The following NCOR1 variants were observed in gnomAD, a reference collection of about 807,000 sequenced individuals.
The protein encoded by NCOR1 is nuclear receptor corepressor 1, also known as protein phosphatase 1, regulatory subunit 109.
A neutral mutation model predicts 288.1 loss-of-function variants in NCOR1; 63 were observed. That is an observed-to-expected ratio of 0.22 (90% confidence interval 0.18 to 0.27). The LOEUF (loss-of-function observed/expected upper bound fraction) is 0.27. Among genes scored for constraint, NCOR1 ranks in the 10% least tolerant of loss-of-function variants. The probability of loss-of-function intolerance (pLI) is 1.00; values close to 1 mark genes in which losing one functional copy is unlikely to be tolerated. For synonymous variants in NCOR1, 1,007 were observed against 1,065.9 expected (o/e 0.94, Z 1.08); for missense variants, 2,397 against 3,019.2 (o/e 0.79, Z 4.83).
chr17:16,073,629 A>T, intron 27 of NCOR1, 60 bp from the exon 28 acceptor site: 1 of 1,376,142 alleles, frequency 7.3e-7, no homozygotes. Flanking sequence ...ATGTACAGTA[A>T]ATAGGTTAGT....
rs1266817365 is a variant in NCOR1, at chr17:16,073,535, T to G, written c.3705A>C (p.Pro1235=). The change falls in exon 28 of 46, where the codon CCA becomes CCC. Residue 1235 remains proline, a synonymous_variant. Coordinates refer to ENST00000268712, the MANE Select transcript of NCOR1 (RefSeq NM_006311.4). The part of the protein sequence containing the change: ...IKNAREGTRS[P]RTAHEISLKR... ...TTAAACTGATTTCATGAGCTGTTCT[T>G]GGACTCCTAGTCCCTTCTCGGGCAT... 6.2e-7 allele frequency: 1 copy of G among 1,611,198 alleles called. No homozygotes were observed. Among genetic ancestry groups the G allele is most frequent in the Non-Finnish European group, 8.5e-7 (1 of 1,178,750 alleles).
intron 41 of NCOR1, among the ~76,000 whole-genome samples, chr17:16,048,582 TA>T (rs528666691): frequency 2.9e-4 from 44 of 149,400 alleles, no homozygotes; most frequent in East Asian, 1.4e-3. Context: ...ACAAAAACAT[TA>T]AAAAAAAAAT....
intron 9 of NCOR1, among the ~76,000 whole-genome samples, chr17:16,148,830 C>G (rs2078429058): frequency 6.6e-6 from 1 of 152,114 alleles, no homozygotes; most frequent in Non-Finnish European, 1.5e-5. Context: ...GCACAAAGTT[C>G]ATTTTTGATG....
intron 18 of NCOR1, among the ~76,000 whole-genome samples, chr17:16,110,318 T>C (rs546010225): frequency 6.6e-6 from 1 of 151,710 alleles, no homozygotes; most frequent in East Asian, 1.9e-4. Flanking sequence ...ATCATGCCAC[T>C]GCACTCCAGG....
intron 1 of NCOR1, among the ~76,000 whole-genome samples, chr17:16,205,905 C>A (rs1185077986): frequency 1.3e-5 from 2 of 148,204 alleles, no homozygotes; most frequent in Non-Finnish European, 3.0e-5. Context: ...CCATTGCACT[C>A]TAGCCTGGGC....
At chr17:16,078,476 A>G (rs1468060451) in intron 26 of NCOR1, among the ~76,000 whole-genome samples, 1 of 152,236 alleles carries the variant, frequency 6.6e-6, no homozygotes, top group Non-Finnish European at 1.5e-5. Flanking sequence ...TGCCAGAGTG[A>G]AGAGAAAGAA....
chr17:16,064,119 G>A lies in NCOR1; in HGVS notation c.5170C>T (p.Arg1724Trp), dbSNP rs2060848395. Residue 1724 changes from arginine to tryptophan, a missense_variant, in exon 35 of 46, where the codon CGG (arginine) becomes TGG (tryptophan). Physicochemically the swap from Arg to Trp is moderately radical, Grantham distance 101 (BLOSUM62 -3). Coordinates refer to ENST00000268712, the MANE Select transcript of NCOR1 (RefSeq NM_006311.4). ...REREREREKE[R>W]ERERIAAASS... Reference sequence around the variant, plus strand: ...GCTGCAGCAATCCGTTCCCGCTCCCGCTCCTTCTCCCGCTCCCGTTCCCGT... The same window carrying A: ...GCTGCAGCAATCCGTTCCCGCTCCCACTCCTTCTCCCGCTCCCGTTCCCGT... The A allele has an allele frequency of 7.4e-6, 12 of 1,614,024 alleles. No individual in the cohort carries two copies. The highest frequency in any genetic ancestry group is 1.1e-5 in the South Asian group (1 of 91,070).
intron 44 of NCOR1, among the ~76,000 whole-genome samples, chr17:16,037,718 A>G (rs930868596): frequency 2.6e-5 from 4 of 152,254 alleles, no homozygotes; most frequent in Non-Finnish European, 4.4e-5. Flanking sequence ...AAGCTTCTTC[A>G]TGCTACTACA....
intron 8 of NCOR1, among the ~76,000 whole-genome samples, chr17:16,151,042 A>G (rs1326043966): frequency 6.6e-6 from 1 of 151,126 alleles, no homozygotes; most frequent in African/African-American, 2.4e-5. Context: ...AAAGAAAAAA[A>G]TAAATATATA....
chr17:16,137,673 T>C (rs1427560098), intron 13 of NCOR1: 1 of 268,902 alleles, frequency 3.7e-6, no homozygotes, highest in Non-Finnish European at 6.8e-6. Context: ...AAATATTTTC[T>C]TATTAACAAG....
intron 2 of NCOR1, among the ~76,000 whole-genome samples, chr17:16,190,170 C>G (rs1240018938): frequency 6.6e-6 from 1 of 152,172 alleles, no homozygotes; most frequent in Non-Finnish European, 1.5e-5. Flanking sequence ...CTCAAGGTTA[C>G]AGTGAGCTAT....
chr17:16,202,485 G>C (rs1210215248), intron 1 of NCOR1, among the ~76,000 whole-genome samples: 4 of 151,248 alleles, frequency 2.6e-5, no homozygotes, highest in Non-Finnish European at 4.4e-5. Flanking sequence ...CACAAAAGAA[G>C]AACAAAGAAA....
At chr17:16,205,980 T>C (rs1220515214) in intron 1 of NCOR1, among the ~76,000 whole-genome samples, 7 of 150,658 alleles carry the variant, frequency 4.6e-5, no homozygotes, top group South Asian at 2.1e-4. Context: ...ACTCTCCCCA[T>C]AGTAAAAAAT....
rs141969426 is a variant in NCOR1, at chr17:16,174,920, G to A, written c.243-2925C>T. Among the ~76,000 whole-genome samples the A allele has an allele frequency of 3.7e-4, 56 of 151,732 alleles. 2 individuals carry two copies. Among genetic ancestry groups the A allele is most frequent in the Admixed American group, 1.3e-3 (20 of 15,212 alleles). On this transcript the variant is annotated intron_variant, in intron 3 of 45. Transcript: ENST00000268712. ...CTAACTAACAGAAAGGAAAATATAC[G>A]TACAAACAAAAACTTGTACACGAAT...
intron 3 of NCOR1, among the ~76,000 whole-genome samples, chr17:16,184,464 G>T (rs970627924): frequency 1.3e-5 from 2 of 152,132 alleles, no homozygotes; most frequent in Non-Finnish European, 2.9e-5. Flanking sequence ...ATGAAAAGAT[G>T]TTCAGTATCA....
At chr17:16,037,912 A>G (rs1228576552) in intron 44 of NCOR1, among the ~76,000 whole-genome samples, 1 of 152,236 alleles carries the variant, frequency 6.6e-6, no homozygotes, top group Non-Finnish European at 1.5e-5. Context: ...CCTCAGCCCC[A>G]GCAAAACAAT....
At chr17:16,045,045 C>A in intron 42 of NCOR1, 1 of 396,234 alleles carries the variant, frequency 2.5e-6, no homozygotes, top group South Asian at 2.5e-5. Context: ...CCCAAAGTCT[C>A]TCTATCAAGG....
intron 1 of NCOR1, among the ~76,000 whole-genome samples, chr17:16,207,925 C>T (rs2091716927): frequency 6.6e-6 from 1 of 151,524 alleles, no homozygotes; most frequent in South Asian, 2.1e-4. Flanking sequence ...TTTTCCTTTA[C>T]TCCTGACTAA....
rs117672931 is a variant in NCOR1, at chr17:16,046,584, G to A, written c.6679+367C>T. Among the ~76,000 whole-genome samples, 237 of 152,288 alleles carry A rather than the reference G, an allele frequency of 1.6e-3. 2 individuals are homozygous for A. The highest frequency in any genetic ancestry group is 2.9e-3 in the Non-Finnish European group (200 of 68,016). On this transcript the variant is annotated intron_variant, in intron 42 of 45. Coordinates refer to ENST00000268712, the MANE Select transcript of NCOR1 (RefSeq NM_006311.4). ...GATTGAGAGGACTCCTGAAAGACACGTCTTCAAATATCTGAGGAGATGTTA... is the reference window on the plus strand; with the variant it reads ...GATTGAGAGGACTCCTGAAAGACACATCTTCAAATATCTGAGGAGATGTTA...
Sources: allele counts gnomAD v4.1 joint callset (sites outside exome capture counted in the v4.1 genomes callset), GRCh38; gene constraint gnomAD v4.1.1; transcripts MANE v1.5; gene names NCBI Gene and HGNC (gene_info 2026-07-23, HGNC 2026-07-21).